ACAP2: variants seen among roughly 807,000 people sequenced by gnomAD.
ACAP2 encodes arf-GAP with coiled-coil, ANK repeat and PH domain-containing protein 2.
Under a neutral mutation model 115.8 loss-of-function variants are expected in ACAP2, and 39 were observed. The observed-to-expected ratio is 0.34, with a 90% CI of 0.26 to 0.44. The LOEUF is 0.44. ACAP2 is among the 20% of genes least tolerant of loss of function. The pLI is 1.00. For missense variants in ACAP2, 662 were observed against 927.6 expected (o/e 0.71, Z 3.72); for synonymous variants, 289 against 315.8 (o/e 0.92, Z 0.90).
chr3:195,410,870 C>G (rs565565395), intron 1 of ACAP2: 21 of 208,382 alleles, frequency 1.0e-4, no homozygotes, highest in Non-Finnish European at 1.8e-4. Context: ...AAGAAAGGGT[C>G]CTAATGGTCC....
At chr3:195,399,785 C>G (rs1370482849) in intron 1 of ACAP2, among the ~76,000 whole-genome samples, 1 of 152,094 alleles carries the variant, frequency 6.6e-6, no homozygotes, top group Non-Finnish European at 1.5e-5. Flanking sequence ...ATGAATATCA[C>G]ACTCTTAAGT....
intron 4 of ACAP2, among the ~76,000 whole-genome samples, chr3:195,345,733 G>A (rs941057719): frequency 9.2e-5 from 14 of 152,164 alleles, no homozygotes; most frequent in African/African-American, 3.4e-4. Flanking sequence ...TACCTTAGTT[G>A]AGGTAGAGGT....
At chr3:195,393,007 T>C (rs74889756) in intron 1 of ACAP2, among the ~76,000 whole-genome samples, 1 of 152,324 alleles carries the variant, frequency 6.6e-6, no homozygotes, top group East Asian at 1.9e-4. Context: ...GGATTTACAC[T>C]GAGTAAGATA....
At chr3:195,353,803 G>A (rs1233018489) in intron 4 of ACAP2, among the ~76,000 whole-genome samples, 1 of 151,958 alleles carries the variant, frequency 6.6e-6, no homozygotes, top group Non-Finnish European at 1.5e-5. Flanking sequence ...GAGAAAAGCA[G>A]AACATTTTTC....
chr3:195,427,470 A>G (rs1714770582), intron 1 of ACAP2, among the ~76,000 whole-genome samples: 1 of 152,274 alleles, frequency 6.6e-6, no homozygotes, highest in South Asian at 2.1e-4. Context: ...CAAGCATCAC[A>G]GACTACAAGC....
At chr3:195,325,313 A>C (rs753462417) in intron 9 of ACAP2, 17 of 409,810 alleles carry the variant, frequency 4.1e-5, no homozygotes, top group Middle Eastern at 8.1e-4. Context: ...CTGCACATGA[A>C]TGTTCAAAGC....
At chr3:195,439,328 C>A (rs1234622649) in intron 1 of ACAP2, among the ~76,000 whole-genome samples, 1 of 151,392 alleles carries the variant, frequency 6.6e-6, no homozygotes, top group South Asian at 2.1e-4. Flanking sequence ...CACAGATGCA[C>A]GCCACCATGC....
chr3:195,295,688 A>C lies in ACAP2; in HGVS notation c.1672+20T>G. Reference sequence around the variant, plus strand: ...AGCTTAAGAAAATAGCTATAGACACAGTAAGAAAGTTTGCCATACCTGAAC... The same window carrying C: ...AGCTTAAGAAAATAGCTATAGACACCGTAAGAAAGTTTGCCATACCTGAAC... On this transcript the variant is annotated intron_variant, in intron 17 of 22. Transcript: ENST00000326793. The C allele has an allele frequency of 6.2e-7, 1 of 1,613,786 alleles. No homozygotes were observed. The highest frequency in any genetic ancestry group is 1.1e-5 in the South Asian group (1 of 91,058).
rs148312387 is a variant in ACAP2 at position 195,396,929 on chromosome 3, A to C, written c.54-4782T>G. ...CAACTTGGCAATAGCCTTAAAATGA[A>C]ATTAATAATTTAAAAAAAATTAGGT... is the stretch of plus-strand genomic sequence containing the variant. On this transcript the variant is annotated intron_variant, in intron 1 of 22. Transcript: ENST00000326793. 4.9e-3 allele frequency among the ~76,000 whole-genome samples: 744 copies of C among 152,114 alleles called. 5 individuals are homozygous for C. The highest frequency in any genetic ancestry group is 0.017 in the African/African-American group (721 of 41,532).
intron 1 of ACAP2, among the ~76,000 whole-genome samples, chr3:195,427,695 A>G (rs1456779511): frequency 2.0e-5 from 3 of 152,124 alleles, no homozygotes; most frequent in Admixed American, 1.3e-4. Flanking sequence ...GGACAGCCTG[A>G]GCTCAGGAGT....
At chr3:195,373,538 T>C (rs948812728) in intron 4 of ACAP2, among the ~76,000 whole-genome samples, 1 of 152,174 alleles carries the variant, frequency 6.6e-6, no homozygotes, top group Non-Finnish European at 1.5e-5. Context: ...ACTTGCAGAT[T>C]TGTTTAACAC....
intron 4 of ACAP2, among the ~76,000 whole-genome samples, chr3:195,353,687 G>A (rs1731761190): frequency 6.6e-6 from 1 of 152,164 alleles, no homozygotes; most frequent in African/African-American, 2.4e-5. Context: ...GCGATTTCAT[G>A]GAGATGTGTG....
intron 1 of ACAP2, among the ~76,000 whole-genome samples, chr3:195,426,895 CA>C (rs1174274571): frequency 6.6e-6 from 1 of 152,080 alleles, no homozygotes; most frequent in Non-Finnish European, 1.5e-5. Flanking sequence ...TTTGGGGAGC[CA>C]GGGGGTGGAC....
intron 4 of ACAP2, among the ~76,000 whole-genome samples, chr3:195,351,136 G>GC (rs201758831): frequency 0.031 from 3,049 of 98,384 alleles, 137 homozygotes; most frequent in African/African-American, 0.087. Flanking sequence ...TTTTGGGCGG[G>GC]GGACAGGGTC....
chr3:195,414,378 G>A (rs529262966), intron 1 of ACAP2, among the ~76,000 whole-genome samples: 60 of 152,220 alleles, frequency 3.9e-4, no homozygotes, highest in Non-Finnish European at 7.5e-4. Context: ...CAAAGTGCTG[G>A]GATTATAGGT....
intron 1 of ACAP2, among the ~76,000 whole-genome samples, chr3:195,429,600 T>C (rs1204742778): frequency 5.3e-5 from 8 of 152,154 alleles, no homozygotes; most frequent in Non-Finnish European, 7.3e-5. Flanking sequence ...TCTGGGAAGA[T>C]GGAAAATAGG....
chr3:195,348,055 TAAAAAA>T (rs59102931), intron 4 of ACAP2, among the ~76,000 whole-genome samples: 1 of 145,918 alleles, frequency 6.9e-6, no homozygotes, highest in Admixed American at 6.9e-5. Flanking sequence ...AGAAAACTTG[TAAAAAA>T]AAAAACCTAA....
intron 1 of ACAP2, chr3:195,441,921 C>A (rs1240934390): frequency 6.6e-6 from 1 of 152,276 alleles, no homozygotes. Flanking sequence ...ATCGGAGTGC[C>A]CCCATGTCAA....
In ACAP2 at chr3:195,302,112, C is replaced by A; in HGVS notation, c.1179G>T (p.Glu393Asp). Residue 393 changes from glutamate to aspartate, a missense_variant, in exon 14 of 23, where the codon GAG (glutamate) becomes GAT (aspartate). By Grantham distance (45) the Glu-to-Asp change is conservative. This residue lies in a region of ACAP2 where 401 missense variants were observed against 604.4 expected (regional missense o/e 0.66). Transcript: ENST00000326793. Reference protein sequence around the residue: ...GSLDSGNESKEKLLKGESALQ... With the variant: ...GSLDSGNESKDKLLKGESALQ... ...GCGCACTTTCTCCTTTCAATAATTT[C>A]TCTTTGGACTCATTTCCAGAATCTA... 7.4e-6 allele frequency: 12 copies of A among 1,614,028 alleles called. No homozygotes were observed. Among genetic ancestry groups the A allele is most frequent in the Non-Finnish European group, 1.0e-5 (12 of 1,180,024 alleles).
Sources: allele counts gnomAD v4.1 joint callset (sites outside exome capture counted in the v4.1 genomes callset), GRCh38; gene constraint gnomAD v4.1.1; regional missense constraint gnomAD v4.1.1; transcripts MANE v1.5; gene names NCBI Gene and HGNC (gene_info 2026-07-23, HGNC 2026-07-21).